Variants in ATP6V1H observed in about 807,000 individuals in gnomAD.
ATP6V1H encodes the protein ATPase H+ transporting V1 subunit H, also known as V-type proton ATPase subunit H.
A neutral mutation model predicts 71.7 loss-of-function variants in ATP6V1H; 39 were observed. The observed-to-expected ratio is 0.54, with a 90% confidence interval of 0.42 to 0.71. The LOEUF (loss-of-function observed/expected upper bound fraction) is 0.71, where lower values mean the gene tolerates loss of function less well. Among genes scored for constraint, ATP6V1H ranks in the 30% least tolerant of loss-of-function variants. The pLI is 0.00. For synonymous variants in ATP6V1H, 192 were observed against 199.3 expected (o/e 0.96, Z 0.31); for missense variants, 509 against 594.9 (o/e 0.86, Z 1.50).
At chr8:53,806,581 A>G (rs529323807) in intron 7 of ATP6V1H, among the ~76,000 whole-genome samples, 52 of 152,308 alleles carry the variant, frequency 3.4e-4, no homozygotes, top group Admixed American at 5.9e-4. Context: ...AATTGTCAGC[A>G]TAACTAAAAA....
chr8:53,790,247 A>G (rs537957214), intron 9 of ATP6V1H, among the ~76,000 whole-genome samples: 6 of 152,282 alleles, frequency 3.9e-5, no homozygotes, highest in African/African-American at 1.2e-4. Flanking sequence ...TTTTCATTGG[A>G]TGGCAATTCC....
intron 13 of ATP6V1H, among the ~76,000 whole-genome samples, chr8:53,738,655 T>A (rs1366040408): frequency 6.6e-6 from 1 of 152,250 alleles, no homozygotes; most frequent in Non-Finnish European, 1.5e-5. Flanking sequence ...CAGACTACAT[T>A]ATCCATCAGG....
At chr8:53,807,904 T>C (rs1245898212) in intron 7 of ATP6V1H, among the ~76,000 whole-genome samples, 2 of 152,222 alleles carry the variant, frequency 1.3e-5, no homozygotes, top group East Asian at 1.9e-4. Context: ...GAACCACATA[T>C]GGTTAGGGGC....
intron 13 of ATP6V1H, among the ~76,000 whole-genome samples, chr8:53,721,353 A>G (rs1806604908): frequency 6.6e-6 from 1 of 152,182 alleles, no homozygotes; most frequent in South Asian, 2.1e-4. Context: ...TCTGTATCTA[A>G]TTTACAAAAA....
At chr8:53,806,067 T>C (rs150988006) in intron 7 of ATP6V1H, among the ~76,000 whole-genome samples, 85 of 152,222 alleles carry the variant, frequency 5.6e-4, no homozygotes, top group African/African-American at 1.9e-3. Flanking sequence ...TTATGTAAGT[T>C]ATGACATAAT....
intron 13 of ATP6V1H, among the ~76,000 whole-genome samples, chr8:53,725,184 G>C (rs1167365661): frequency 6.6e-6 from 1 of 152,088 alleles, no homozygotes; most frequent in African/African-American, 2.4e-5. Context: ...ATCCATTCAT[G>C]AATTAATAGA....
intron 2 of ATP6V1H, among the ~76,000 whole-genome samples, chr8:53,838,404 C>A (rs958351838): frequency 1.1e-4 from 16 of 152,204 alleles, no homozygotes; most frequent in African/African-American, 3.9e-4. Context: ...CAGGCGTGAG[C>A]CACCGCGCCT....
chr8:53,762,232 A>G (rs1183356107), intron 11 of ATP6V1H, among the ~76,000 whole-genome samples: 1 of 152,076 alleles, frequency 6.6e-6, no homozygotes, highest in East Asian at 1.9e-4. Flanking sequence ...TAGAAGGTGA[A>G]AAACTGTAAT....
intron 5 of ATP6V1H, among the ~76,000 whole-genome samples, chr8:53,816,789 C>T (rs1181629996): frequency 1.3e-5 from 2 of 151,122 alleles, no homozygotes; most frequent in Admixed American, 6.6e-5. Context: ...AGTGAGACCC[C>T]GTCTCAAAAA....
At chr8:53,821,004 A>G (rs1241145205) in intron 4 of ATP6V1H, among the ~76,000 whole-genome samples, 1 of 151,440 alleles carries the variant, frequency 6.6e-6, no homozygotes, top group Non-Finnish European at 1.5e-5. Flanking sequence ...AAGAAAAAGA[A>G]AAAAGAAAAG....
intron 13 of ATP6V1H, among the ~76,000 whole-genome samples, chr8:53,735,524 C>A (rs1807172563): frequency 6.6e-6 from 1 of 152,140 alleles, no homozygotes; most frequent in African/African-American, 2.4e-5. Flanking sequence ...TTTGCCTATG[C>A]TCCTCCTCCA....
At chr8:53,813,797 C>T (rs1416499480) in intron 6 of ATP6V1H, among the ~76,000 whole-genome samples, 2 of 151,434 alleles carry the variant, frequency 1.3e-5, no homozygotes, top group Non-Finnish European at 2.9e-5. Context: ...AGACATAGAG[C>T]TAGAAAGGCC....
chr8:53,720,902 C>T (rs946061287), intron 13 of ATP6V1H, among the ~76,000 whole-genome samples: 1 of 152,126 alleles, frequency 6.6e-6, no homozygotes. Flanking sequence ...TAACTAAAAT[C>T]ATAATGTTCT....
intron 8 of ATP6V1H, among the ~76,000 whole-genome samples, chr8:53,798,831 T>A (rs976996511): frequency 1.3e-5 from 2 of 152,202 alleles, no homozygotes; most frequent in Non-Finnish European, 2.9e-5. Context: ...TATCAAAATA[T>A]ATTGGTTGAA....
chr8:53,795,773 C>T lies in ATP6V1H; in HGVS notation c.744G>A (p.Trp248Ter). The T allele has an allele frequency of 6.2e-7, 1 of 1,613,794 alleles. No homozygotes were observed. Among genetic ancestry groups the T allele is most frequent in the East Asian group, 2.2e-5 (1 of 44,870 alleles). Residue 248 changes from tryptophan (W) to a stop codon, truncating the protein, a stop_gained, in exon 9 of 14, where the codon TGG becomes TGA. Coordinates refer to ENST00000359530, the MANE Select transcript of ATP6V1H (RefSeq NM_015941.4). LOFTEE classifies it high-confidence loss of function. ...QLQYQMIFSI[W>*]LLAFSPQMCE... ...ACATTTGAGGACTGAATGCCAGGAG[C>T]CATATTGAAAAAATCATTTGATACT...
At position 53,843,112 on chromosome 8, in the gene ATP6V1H, C is replaced by G. The variant is rs1470407880; in HGVS notation, c.-114G>C. 1 of 152,380 alleles carries G rather than the reference C, an allele frequency of 6.6e-6. No homozygotes were observed. The highest frequency in any genetic ancestry group is 2.4e-5 in the African/African-American group (1 of 41,454). The allele number at this position is 152,380 out of a possible 1,614,324, so 9.4% of individuals were successfully genotyped here. A position where few individuals can be genotyped will look rare whatever the true frequency, so the allele number is the denominator to read the frequency against. ...CCGGGGCGCCGGGGACACAGCCGGGCTGGGGCGCCGCGTCAGAGCCAAGTA... is the reference window on the plus strand; with the variant it reads ...CCGGGGCGCCGGGGACACAGCCGGGGTGGGGCGCCGCGTCAGAGCCAAGTA... On this transcript the variant is annotated 5_prime_UTR_variant, in exon 1 of 14. Transcript: ENST00000359530.
At chr8:53,748,175 T>C (rs1392649422) in intron 12 of ATP6V1H, among the ~76,000 whole-genome samples, 5 of 147,848 alleles carry the variant, frequency 3.4e-5, no homozygotes, top group Non-Finnish European at 7.5e-5. Context: ...AAAAAAAAAG[T>C]GGTGGGAGAG....
intron 2 of ATP6V1H, chr8:53,839,796 G>A: frequency 1.0e-6 from 1 of 985,386 alleles, no homozygotes; most frequent in Non-Finnish European, 1.2e-6. Flanking sequence ...ATTTTCATCT[G>A]TTTTACATGC....
At chr8:53,823,713 A>G (rs1189534127) in intron 4 of ATP6V1H, among the ~76,000 whole-genome samples, 1 of 152,132 alleles carries the variant, frequency 6.6e-6, no homozygotes, top group African/African-American at 2.4e-5. Flanking sequence ...TGACCTCATG[A>G]ACCACCCACC....
Sources: allele counts gnomAD v4.1 joint callset (sites outside exome capture counted in the v4.1 genomes callset), GRCh38; gene constraint gnomAD v4.1.1; transcripts MANE v1.5; gene names NCBI Gene and HGNC (gene_info 2026-07-23, HGNC 2026-07-21).